KIF2A: variants seen among roughly 807,000 people sequenced by gnomAD.
The protein encoded by KIF2A is kinesin-like protein KIF2A.
In KIF2A, 22 loss-of-function variants were observed where a neutral mutation model predicts 100.2. That is an observed-to-expected ratio of 0.22 (90% CI 0.16 to 0.31). KIF2A has a LOEUF of 0.31. KIF2A is among the 10% of genes least tolerant of loss of function. The pLI is 1.00. For synonymous variants in KIF2A, 268 were observed against 285.9 expected (o/e 0.94, Z 0.63); for missense variants, 495 against 898.7 (o/e 0.55, Z 5.74).
chr5:62,336,670 G>A (rs1216633165), intron 1 of KIF2A, among the ~76,000 whole-genome samples: 3 of 152,148 alleles, frequency 2.0e-5, no homozygotes, highest in Admixed American at 6.5e-5. Context: ...TAGCTTTAGC[G>A]GCTTATAAAG....
chr5:62,350,024 A>C, intron 3 of KIF2A, 42 bp from the exon 4 acceptor site: 1 of 1,296,682 alleles, frequency 7.7e-7, no homozygotes, highest in Admixed American at 2.1e-5. Flanking sequence ...CATATGAGGG[A>C]GTAAAGATAG....
At chr5:62,326,052 T>C (rs1746361256) in intron 1 of KIF2A, among the ~76,000 whole-genome samples, 1 of 152,136 alleles carries the variant, frequency 6.6e-6, no homozygotes, top group Admixed American at 6.5e-5. Flanking sequence ...TGGGATCATT[T>C]GTATACCAAA....
intron 14 of KIF2A, 35 bp downstream of exon 14, chr5:62,363,934 T>TGACTTTTG (rs1488499050): frequency 6.7e-7 from 1 of 1,497,092 alleles, no homozygotes; most frequent in African/African-American, 1.4e-5. Flanking sequence ...AAAGGTCTTT[T>TGACTTTTG]ACTTTTGACT....
chr5:62,310,612 A>G (rs1056914851), intron 1 of KIF2A, among the ~76,000 whole-genome samples: 2 of 152,118 alleles, frequency 1.3e-5, no homozygotes, highest in Admixed American at 6.6e-5. Flanking sequence ...GTCAGGAACT[A>G]CAGCGTTAAT....
intron 1 of KIF2A, among the ~76,000 whole-genome samples, chr5:62,337,893 A>G (rs544878989): frequency 3.9e-4 from 60 of 152,080 alleles, no homozygotes; most frequent in Non-Finnish European, 6.9e-4. Flanking sequence ...AAAATCCAGA[A>G]CAAAACAGAC....
chr5:62,335,952 T>G (rs1215330397), intron 1 of KIF2A, among the ~76,000 whole-genome samples: 9 of 152,330 alleles, frequency 5.9e-5, no homozygotes, highest in Non-Finnish European at 5.9e-5. Flanking sequence ...TATATAACAA[T>G]GTAAACTTAG....
chr5:62,357,639 G>T, intron 7 of KIF2A, 52 bp from the exon 8 acceptor site: 1 of 886,748 alleles, frequency 1.1e-6, no homozygotes. Flanking sequence ...TTACGTTTTA[G>T]TGTTTTACAT....
rs1745256153 is a variant in KIF2A at position 62,306,249 on chromosome 5, C to G, written c.-224C>G. 1 of 525,570 alleles carries G rather than the reference C, an allele frequency of 1.9e-6. No homozygotes were observed. Among genetic ancestry groups the G allele is most frequent in the Non-Finnish European group, 3.3e-6 (1 of 299,314 alleles). The allele number at this position is 525,570 out of a possible 1,614,324, so 32.6% of individuals were successfully genotyped here. ...TCACGGCCCCGGCCCTAGCTTCACC[C>G]CGACTACCCGGCGTGCGCGTCCTCC... On this transcript the variant is annotated 5_prime_UTR_variant, in exon 1 of 21. Coordinates refer to ENST00000407818, the MANE Select transcript of KIF2A (RefSeq NM_001098511.3).
In KIF2A at chr5:62,361,699, T is replaced by C. The variant is rs535923440; in HGVS notation, c.1027+170T>C. Among the ~76,000 whole-genome samples the C allele has an allele frequency of 5.0e-5, 7 of 140,980 alleles. No homozygotes were observed. The East Asian group carries it at 1.5e-3, about 29-fold the overall frequency. The allele number at this position is 140,980 out of a possible 152,430, so 92.5% of individuals were successfully genotyped here. A position where few individuals can be genotyped will look rare whatever the true frequency, so the allele number is the denominator to read the frequency against. On this transcript the variant is annotated intron_variant, in intron 11 of 20. Transcript: ENST00000407818. ...TGAAAAGAACTATAAGATTATATATTCACAATAATTTTTTTTTTTTTTAAG... is the reference window on the plus strand; with the variant it reads ...TGAAAAGAACTATAAGATTATATATCCACAATAATTTTTTTTTTTTTTAAG...
chr5:62,350,193 T>C (rs190263373), intron 4 of KIF2A, 73 bp downstream of exon 4: 1 of 798,256 alleles, frequency 1.3e-6, no homozygotes, highest in East Asian at 2.9e-5. Flanking sequence ...AAATCAAAAG[T>C]AAACATTACC....
rs1747430025 is a variant in KIF2A at position 62,344,067 on chromosome 5, T to C, written c.65-3063T>C. Among the ~76,000 whole-genome samples, 4 of 152,168 alleles carry C rather than the reference T, an allele frequency of 2.6e-5. No individual in the cohort carries two copies. In the South Asian group the frequency reaches 8.3e-4, roughly 32 times the overall value. ...CTCATCTATAAATGCAGTTACCGGCTGGGCGCAGTGGCTCACGCCTGTAAT... is the reference window on the plus strand; with the variant it reads ...CTCATCTATAAATGCAGTTACCGGCCGGGCGCAGTGGCTCACGCCTGTAAT... On this transcript the variant is annotated intron_variant, in intron 1 of 20. Transcript: ENST00000407818.
Position 62,319,531 on chromosome 5 carries a change from T to C in KIF2A, c.64+12995T>C, listed in dbSNP as rs1466982325. Among the ~76,000 whole-genome samples, 4 of 152,324 alleles carry C rather than the reference T, an allele frequency of 2.6e-5. No homozygotes were observed. In the East Asian group the frequency reaches 7.7e-4, roughly 29 times the overall value. On this transcript the variant is annotated intron_variant, in intron 1 of 20. Transcript: ENST00000407818. ...TTTATGAGTGGCGAGTCCCCTTTGT[T>C]TGCTCTGTCAAAAAACTCATTGTAT...
chr5:62,365,078 G>C (rs1485214320), intron 14 of KIF2A, among the ~76,000 whole-genome samples, 165 bp from the exon 15 acceptor site: 2 of 152,144 alleles, frequency 1.3e-5, no homozygotes, highest in African/African-American at 4.8e-5. Flanking sequence ...GGGTGACAGA[G>C]CGAGACTTTG....
chr5:62,308,360 T>G, intron 1 of KIF2A: 8 of 1,475,506 alleles, frequency 5.4e-6, no homozygotes, highest in Non-Finnish European at 7.2e-6. Context: ...CATATTATTT[T>G]GAAGATTCTG....
At position 62,306,398 on chromosome 5, in the gene KIF2A, A is replaced by G; in HGVS notation, c.-75A>G. 1 of 751,812 alleles carries G rather than the reference A, an allele frequency of 1.3e-6. No individual in the cohort carries two copies. Among genetic ancestry groups the G allele is most frequent in the Non-Finnish European group, 2.1e-6 (1 of 475,050 alleles). The allele number at this position is 751,812 out of a possible 1,614,324, so 46.6% of individuals were successfully genotyped here. A position where few individuals can be genotyped will look rare whatever the true frequency, so the allele number is the denominator to read the frequency against. ...GGCAACCGCTCCCCCTCCCACACCT[A>G]CCCCGCCCCCTCCCCGCCTTTTCCG... On this transcript the variant is annotated 5_prime_UTR_variant, in exon 1 of 21. Coordinates refer to ENST00000407818, the MANE Select transcript of KIF2A (RefSeq NM_001098511.3).
At chr5:62,376,314 G>A (rs1400390400) in intron 18 of KIF2A, among the ~76,000 whole-genome samples, 11 of 152,166 alleles carry the variant, frequency 7.2e-5, no homozygotes. Flanking sequence ...GTATTGGTGC[G>A]TGTGTACATA....
intron 20 of KIF2A, among the ~76,000 whole-genome samples, chr5:62,381,705 C>T (rs899889325): frequency 1.3e-5 from 2 of 152,226 alleles, no homozygotes; most frequent in Admixed American, 6.5e-5. Context: ...GCTGGGACTA[C>T]AGGCGCAAGC....
chr5:62,373,221 CATG>C lies in KIF2A; in HGVS notation c.1761-463_1761-461del, dbSNP rs1051572185. On this transcript the variant is annotated intron_variant, in intron 17 of 20. Transcript: ENST00000407818. ...TTTACATGTAGCTATTTTAATTGAG[CATG>C]ATAACTACCAGAAATCTGCAGGGTT... Among the ~76,000 whole-genome samples, 6 of 151,946 alleles carry C rather than the reference CATG, an allele frequency of 3.9e-5. 1 individual carries two copies. Among genetic ancestry groups the C allele is most frequent in the South Asian group, 2.1e-4 (1 of 4,820 alleles).
intron 16 of KIF2A, among the ~76,000 whole-genome samples, chr5:62,367,201 A>G (rs766876024): frequency 4.5e-4 from 69 of 152,130 alleles, no homozygotes; most frequent in Non-Finnish European, 9.1e-4. Context: ...TAAATGCTCT[A>G]TATGGGGAAT....
Sources: allele counts gnomAD v4.1 joint callset (sites outside exome capture counted in the v4.1 genomes callset), GRCh38; gene constraint gnomAD v4.1.1; transcripts MANE v1.5; gene names NCBI Gene and HGNC (gene_info 2026-07-23, HGNC 2026-07-21).